DICER1: variants seen among roughly 807,000 people sequenced by gnomAD.
DICER1 encodes the protein endoribonuclease Dicer.
In DICER1, 43 loss-of-function variants were observed where a neutral mutation model predicts 194.1. The ratio of observed to expected loss-of-function variants is 0.22; its 90% CI spans 0.17 to 0.29. The LOEUF (loss-of-function observed/expected upper bound fraction) is 0.29, where lower values mean the gene tolerates loss of function less well. Ranked by LOEUF, DICER1 falls within the 10% of genes least tolerant of loss-of-function variation. The probability of loss-of-function intolerance (pLI) is 1.00; values close to 1 mark genes in which losing one functional copy is unlikely to be tolerated. For synonymous variants in DICER1, 832 were observed against 820.5 expected (o/e 1.01, Z -0.24); for missense variants, 1,608 against 2,317.0 (o/e 0.69, Z 6.28).
chr14:95,104,999 T>G, intron 20 of DICER1, 72 bp downstream of exon 20: 1 of 1,413,996 alleles, frequency 7.1e-7, no homozygotes, highest in Non-Finnish European at 1.0e-6. Flanking sequence ...TATACAATTT[T>G]AACTTAATTC....
chr14:95,119,983 G>T (rs914298497), intron 8 of DICER1, among the ~76,000 whole-genome samples: 1 of 152,096 alleles, frequency 6.6e-6, no homozygotes, highest in Non-Finnish European at 1.5e-5. Flanking sequence ...CAATTAGAAT[G>T]AAAATAACAT....
chr14:95,094,471 T>C (rs1890134197), intron 23 of DICER1, among the ~76,000 whole-genome samples: 1 of 152,210 alleles, frequency 6.6e-6, no homozygotes, highest in South Asian at 2.1e-4. Flanking sequence ...TCTGGCACTG[T>C]GCTGTCTGGG....
At chr14:95,101,326 T>C (rs1050010883) in intron 21 of DICER1, among the ~76,000 whole-genome samples, 8 of 152,020 alleles carry the variant, frequency 5.3e-5, no homozygotes, top group African/African-American at 1.5e-4. Flanking sequence ...GAGTAGAAGG[T>C]TTCTGAGCAG....
rs1889477545 is a variant in DICER1, at chr14:95,088,022, C to A, written c.*2476G>T. On this transcript the variant is annotated 3_prime_UTR_variant, in exon 27 of 27. Transcript: ENST00000343455. ...ATCAGCAGCACAAAAGCGTTCATAA[C>A]CATTTCATATGTCTAACTCGTACTT... The A allele has an allele frequency of 4.3e-6, 1 of 232,812 alleles. No individual in the cohort carries two copies. Among genetic ancestry groups the A allele is most frequent in the Non-Finnish European group, 8.5e-6 (1 of 117,784 alleles). The allele number at this position is 232,812 out of a possible 1,614,324, so 14.4% of individuals were successfully genotyped here.
chr14:95,137,323 G>A (rs749517962), intron 1 of DICER1, among the ~76,000 whole-genome samples: 6 of 123,828 alleles, frequency 4.8e-5, no homozygotes, highest in Non-Finnish European at 6.5e-5. Flanking sequence ...GAAAGGGGAA[G>A]AGGAAAGGGA....
chr14:95,099,132 C>T (rs1305411126), intron 22 of DICER1, among the ~76,000 whole-genome samples: 3 of 152,140 alleles, frequency 2.0e-5, no homozygotes, highest in Non-Finnish European at 4.4e-5. Flanking sequence ...TAGAACTCTC[C>T]CAGTCAACCA....
intron 1 of DICER1, among the ~76,000 whole-genome samples, chr14:95,135,715 C>T (rs1164462459): frequency 6.6e-6 from 1 of 152,142 alleles, no homozygotes; most frequent in African/African-American, 2.4e-5. Context: ...GGTTCATCTG[C>T]GTTTTTGCAA....
At position 95,105,952 on chromosome 14, in the gene DICER1, G is replaced by A; in HGVS notation, c.2987+89C>T. On this transcript the variant is annotated intron_variant, in intron 18 of 26. Transcript: ENST00000343455. The surrounding 1 kb of genome is among the most constrained non-coding windows in gnomAD (Gnocchi z 4.9). ...CTGATTTCAGATAGTCCACGGGTGGGCAGGGGGACAGTGAACCTCTGCATG... is the reference window on the plus strand; with the variant it reads ...CTGATTTCAGATAGTCCACGGGTGGACAGGGGGACAGTGAACCTCTGCATG... 1 of 1,480,862 alleles carries A rather than the reference G, an allele frequency of 6.8e-7. No individual in the cohort carries two copies. Among genetic ancestry groups the A allele is most frequent in the Non-Finnish European group, 9.4e-7 (1 of 1,059,442 alleles). The allele number at this position is 1,480,862 out of a possible 1,614,324, so 91.7% of individuals were successfully genotyped here.
chr14:95,104,189 G>T, intron 20 of DICER1, 63 bp from the exon 21 acceptor site: 1 of 1,354,348 alleles, frequency 7.4e-7, no homozygotes, highest in Non-Finnish European at 1.0e-6. Flanking sequence ...GAGAGCAACA[G>T]CAATTTGAAT....
At position 95,106,236 on chromosome 14, in the gene DICER1, AAC is replaced by A. The variant is rs765854168; in HGVS notation, c.2805-15_2805-14del. 4.4e-6 allele frequency: 7 copies of A among 1,600,432 alleles called. No individual in the cohort carries two copies. In the South Asian group the frequency reaches 7.7e-5, roughly 18 times the overall value. ...AAAATTGCGATATCTAAAAAAGAAA[AAC>A]AAAAAAACAATCAGTTGCTTTTTGA... On this transcript the variant is annotated splice_polypyrimidine_tract_variant and intron_variant, in intron 17 of 26. Coordinates refer to ENST00000343455, the MANE Select transcript of DICER1 (RefSeq NM_177438.3).
chr14:95,110,230 G>T (rs1024745051), intron 14 of DICER1, among the ~76,000 whole-genome samples: 5 of 152,162 alleles, frequency 3.3e-5, no homozygotes, highest in African/African-American at 4.8e-5. Flanking sequence ...TAAGAAAGAT[G>T]AATAAAAACA....
rs1890307992 is a variant in DICER1 at position 95,096,153 on chromosome 14, C to T, written c.4767G>A (p.Lys1589=). The T allele has an allele frequency of 6.2e-7, 1 of 1,614,206 alleles. No homozygotes were observed. Among genetic ancestry groups the T allele is most frequent in the Admixed American group, 1.7e-5 (1 of 60,026 alleles). The part of the protein sequence containing the change: ...AQLFLCSLGL[K]VLPVIKRTDR... ...CAGTCCTTTTAATTACCGGGAGCAC[C>T]TTCAGCCCCAGTGAACAGAGGAAAA... Residue 1589 remains lysine (K), a synonymous_variant, in exon 23 of 27, where the codon AAG becomes AAA. Coordinates refer to ENST00000343455, the MANE Select transcript of DICER1 (RefSeq NM_177438.3).
At chr14:95,117,533 G>A (rs1892581205) in intron 9 of DICER1, 89 bp downstream of exon 9, 3 of 1,345,572 alleles carry the variant, frequency 2.2e-6, no homozygotes, top group Middle Eastern at 1.8e-4. Context: ...GTAATTCTGG[G>A]AAACTATGAA....
intron 1 of DICER1, chr14:95,137,955 A>T (rs1181500233): frequency 6.5e-6 from 1 of 154,754 alleles, no homozygotes; most frequent in African/African-American, 2.4e-5. Flanking sequence ...GTTCTCATAA[A>T]ATCACAAAGG....
rs1247625916 is a variant in DICER1 at position 95,105,029 on chromosome 14, T to G, written c.3269+42A>C. 3.2e-6 allele frequency: 5 copies of G among 1,585,406 alleles called. No individual in the cohort carries two copies. In the African/African-American group the frequency reaches 6.7e-5, roughly 21 times the overall value. ...TAATTCTGTTCTTTTGCAAACAGGA[T>G]CTCATGATCTGTGTTCTTTCTGGCT... On this transcript the variant is annotated intron_variant, in intron 20 of 26. Coordinates refer to ENST00000343455, the MANE Select transcript of DICER1 (RefSeq NM_177438.3). The surrounding 1 kb of genome is among the most constrained non-coding windows in gnomAD (Gnocchi z 4.9).
Position 95,091,191 on chromosome 14 carries a change from A to T in DICER1, c.5527+12T>A, listed in dbSNP as rs758618146. ...TGTGGGTTTTTTTCTTTCTAAAGGGAGCCAACAATACCTATTAGTGGCCGC... is the reference window on the plus strand; with the variant it reads ...TGTGGGTTTTTTTCTTTCTAAAGGGTGCCAACAATACCTATTAGTGGCCGC... On this transcript the variant is annotated intron_variant, in intron 25 of 26. Coordinates refer to ENST00000343455, the MANE Select transcript of DICER1 (RefSeq NM_177438.3). The T allele has an allele frequency of 8.1e-6, 13 of 1,613,996 alleles. No homozygotes were observed. The highest frequency in any genetic ancestry group is 8.5e-7 in the Non-Finnish European group (1 of 1,179,996).
rs68055006 is a variant in DICER1 at position 95,117,199 on chromosome 14, TG to T, written c.1509+422del. On this transcript the variant is annotated intron_variant, in intron 9 of 26. Transcript: ENST00000343455. ...AGCTAAAATCTATAAAATATAGTGC[TG>T]TTTTTTTTTTTAAGAATTGAAACAA... Among the ~76,000 whole-genome samples the T allele has an allele frequency of 5.9e-3, 894 of 152,032 alleles. 11 individuals carry two copies. Among genetic ancestry groups the T allele is most frequent in the African/African-American group, 0.02 (821 of 41,418 alleles).
rs140021568 is a variant in DICER1, at chr14:95,090,364, T to C, written c.*134A>G. 4.5e-5 allele frequency: 45 copies of C among 993,982 alleles called. No homozygotes were observed. In the African/African-American group the frequency reaches 6.5e-4, roughly 14 times the overall value. The allele number at this position is 993,982 out of a possible 1,614,324, so 61.6% of individuals were successfully genotyped here. ...TGTTTTATTCTGTTATCTATCCTGTTATCAACCAAACTTTAAATTCTGCCT... is the reference window on the plus strand; with the variant it reads ...TGTTTTATTCTGTTATCTATCCTGTCATCAACCAAACTTTAAATTCTGCCT... On this transcript the variant is annotated 3_prime_UTR_variant, in exon 27 of 27. Coordinates refer to ENST00000343455, the MANE Select transcript of DICER1 (RefSeq NM_177438.3).
At chr14:95,138,356 C>T (rs1157632522) in intron 1 of DICER1, among the ~76,000 whole-genome samples, 2 of 150,878 alleles carry the variant, frequency 1.3e-5, no homozygotes, top group East Asian at 3.9e-4. Context: ...TGAAAGGTTA[C>T]ATTTATCAAC....
Sources: allele counts gnomAD v4.1 joint callset (sites outside exome capture counted in the v4.1 genomes callset), GRCh38; gene constraint gnomAD v4.1.1; non-coding constraint Gnocchi (gnomAD v3.1); transcripts MANE v1.5; gene names NCBI Gene and HGNC (gene_info 2026-07-23, HGNC 2026-07-21).